SMG6: variants seen among roughly 807,000 people sequenced by gnomAD.
SMG6 encodes the protein SMG6 nonsense mediated mRNA decay factor.
A neutral mutation model predicts 142.2 loss-of-function variants in SMG6; 66 were observed. The observed-to-expected ratio is 0.46, with a 90% CI of 0.38 to 0.57. SMG6 has a LOEUF of 0.57. SMG6 is among the 20% of genes least tolerant of loss of function. SMG6 has a pLI of 0.00. For missense variants in SMG6, 1,793 were observed against 1,832.0 expected, an observed-to-expected ratio of 0.98 and a Z score of 0.39; for synonymous variants, 779 against 702.4, an observed-to-expected ratio of 1.11 and a Z score of -1.72.
intron 1 of SMG6, 34 bp downstream of exon 1, chr17:2,303,599 A>AGGCCC (rs1239904362): frequency 7.2e-7 from 1 of 1,397,240 alleles, no homozygotes; most frequent in Non-Finnish European, 9.3e-7. Context: ...CGGGGCGGGC[A>AGGCCC]GGCCCGGCCC....
At chr17:2,143,273 T>C (rs2070546509) in intron 13 of SMG6, among the ~76,000 whole-genome samples, 1 of 152,144 alleles carries the variant, frequency 6.6e-6, no homozygotes, top group South Asian at 2.1e-4. Context: ...TAAAAACTCA[T>C]ACACAAATGT....
At chr17:2,164,907 A>C (rs1452544419) in intron 13 of SMG6, among the ~76,000 whole-genome samples, 1 of 152,134 alleles carries the variant, frequency 6.6e-6, no homozygotes, top group East Asian at 1.9e-4. Context: ...ACTGTACTCC[A>C]GCGTGGGCGA....
At chr17:2,252,665 T>C (rs1019260133) in intron 8 of SMG6, among the ~76,000 whole-genome samples, 1 of 152,238 alleles carries the variant, frequency 6.6e-6, no homozygotes, top group Non-Finnish European at 1.5e-5. Context: ...CCTGAGTGTA[T>C]GTCTATCACC....
At chr17:2,204,012 G>A (rs2072607944) in intron 10 of SMG6, among the ~76,000 whole-genome samples, 1 of 152,090 alleles carries the variant, frequency 6.6e-6, no homozygotes, top group Non-Finnish European at 1.5e-5. Flanking sequence ...TGCCCAGGCT[G>A]GAGTTGAGTG....
intron 12 of SMG6, among the ~76,000 whole-genome samples, chr17:2,175,674 T>C (rs150542886): frequency 6.6e-6 from 1 of 152,262 alleles, no homozygotes; most frequent in Non-Finnish European, 1.5e-5. Flanking sequence ...TACCTCAATG[T>C]TGATTTGTAA....
chr17:2,104,546 T>A (rs1174778670), intron 13 of SMG6, among the ~76,000 whole-genome samples: 1 of 151,278 alleles, frequency 6.6e-6, no homozygotes, highest in East Asian at 1.9e-4. Context: ...GTTAAGGGGG[T>A]TGAAAAAAAA....
chr17:2,261,586 C>CT (rs1425766809), intron 8 of SMG6, among the ~76,000 whole-genome samples: 1 of 152,194 alleles, frequency 6.6e-6, no homozygotes, highest in Admixed American at 6.5e-5. Context: ...TATTCTAACT[C>CT]TGAGGTGGTA....
At chr17:2,125,491 A>T (rs1474715313) in intron 13 of SMG6, among the ~76,000 whole-genome samples, 1 of 152,242 alleles carries the variant, frequency 6.6e-6, no homozygotes, top group Non-Finnish European at 1.5e-5. Context: ...AATTGAATAT[A>T]ATTAAAAACG....
chr17:2,300,402 T>C lies in SMG6; in HGVS notation c.351A>G (p.Gly117=). 6.2e-7 allele frequency: 1 copy of C among 1,614,170 alleles called. No individual in the cohort carries two copies. The highest frequency in any genetic ancestry group is 8.5e-7 in the Non-Finnish European group (1 of 1,180,030). ...CAGCAGTCCTAGGAAAGGATTCTTG[T>C]CCCCGATTATTTTCTGGGTCTATAG... The part of the protein sequence containing the change: ...NGPIDPENNR[G]QESFPRTAGQ... Residue 117 remains glycine, a synonymous_variant, in exon 2 of 19, where the codon GGA becomes GGG. Coordinates refer to ENST00000263073, the MANE Select transcript of SMG6 (RefSeq NM_017575.5).
chr17:2,282,299 G>A lies in SMG6; in HGVS notation c.2661+348C>T, dbSNP rs576788065. ...ATCCATGCTACTTTAGTTCATTCTC[G>A]GAATATAAGGTCAACCAAGAGGAAA... is the stretch of plus-strand genomic sequence containing the variant. On this transcript the variant is annotated intron_variant, in intron 8 of 18. Transcript: ENST00000263073. 2.7e-5 allele frequency among the ~76,000 whole-genome samples: 4 copies of A among 149,008 alleles called. No individual in the cohort carries two copies. In the South Asian group the frequency reaches 6.3e-4, roughly 24 times the overall value.
chr17:2,301,584 T>A (rs2075277757), intron 1 of SMG6, among the ~76,000 whole-genome samples: 1 of 152,222 alleles, frequency 6.6e-6, no homozygotes, highest in African/African-American at 2.4e-5. Context: ...GGGTCACGCC[T>A]GTAATCCCAG....
chr17:2,161,614 A>G (rs2071182487), intron 13 of SMG6, among the ~76,000 whole-genome samples: 2 of 151,956 alleles, frequency 1.3e-5, no homozygotes, highest in African/African-American at 4.8e-5. Flanking sequence ...TTGCACTGCC[A>G]CTACTCTTAT....
At chr17:2,181,048 G>C (rs1165610152) in intron 12 of SMG6, among the ~76,000 whole-genome samples, 1 of 152,102 alleles carries the variant, frequency 6.6e-6, no homozygotes, top group Non-Finnish European at 1.5e-5. Context: ...TTACAGTTTT[G>C]GCATCTACAG....
chr17:2,176,691 C>T (rs1357841092), intron 12 of SMG6, among the ~76,000 whole-genome samples: 1 of 152,144 alleles, frequency 6.6e-6, no homozygotes, highest in Non-Finnish European at 1.5e-5. Flanking sequence ...GAGCAGGGAT[C>T]AGCAGTTGCA....
At chr17:2,136,627 G>A (rs1263624012) in intron 13 of SMG6, among the ~76,000 whole-genome samples, 3 of 151,926 alleles carry the variant, frequency 2.0e-5, no homozygotes, top group Non-Finnish European at 2.9e-5. Context: ...GTCAAACTCA[G>A]GGAAAACTTT....
intron 12 of SMG6, among the ~76,000 whole-genome samples, chr17:2,174,551 A>G (rs1195531828): frequency 6.6e-6 from 1 of 152,236 alleles, no homozygotes; most frequent in Non-Finnish European, 1.5e-5. Flanking sequence ...TGGGAACCAG[A>G]CGGAACACAG....
intron 18 of SMG6, chr17:2,062,694 G>C (rs768251895): frequency 6.6e-6 from 1 of 152,272 alleles, no homozygotes; most frequent in African/African-American, 2.4e-5. Flanking sequence ...GTCCAGGTCC[G>C]GCAGACAGCA....
At chr17:2,275,712 G>A (rs537729022) in intron 8 of SMG6, among the ~76,000 whole-genome samples, 8 of 152,328 alleles carry the variant, frequency 5.3e-5, no homozygotes, top group African/African-American at 1.9e-4. Flanking sequence ...AACAGCAGAA[G>A]ATATAGCCAC....
At chr17:2,258,034 A>ATATATATGT (rs1357549109) in intron 8 of SMG6, among the ~76,000 whole-genome samples, 1 of 108,240 alleles carries the variant, frequency 9.2e-6, no homozygotes, top group African/African-American at 3.5e-5. Context: ...AAAAAAAAAA[A>ATATATATGT]ATATACACAC....
Sources: allele counts gnomAD v4.1 joint callset (sites outside exome capture counted in the v4.1 genomes callset), GRCh38; gene constraint gnomAD v4.1.1; transcripts MANE v1.5; gene names NCBI Gene and HGNC (gene_info 2026-07-23, HGNC 2026-07-21).